Variants in COX7A2L observed in about 807,000 individuals in gnomAD.
The protein encoded by COX7A2L is cytochrome c oxidase subunit 7A2-like, mitochondrial.
A neutral mutation model predicts 14.2 loss-of-function variants in COX7A2L; 18 were observed. That is an observed-to-expected ratio of 1.27 (90% CI 0.88 to 1.88). The LOEUF is 1.88. Among genes scored for constraint, COX7A2L ranks in the 40% most tolerant of loss-of-function variants. The pLI, the probability that COX7A2L is intolerant of heterozygous loss-of-function variation, is 0.00. For synonymous variants in COX7A2L, 65 were observed against 57.4 expected (o/e 1.13, Z -0.60); for missense variants, 179 against 138.8 (o/e 1.29, Z -1.46).
intron 2 of COX7A2L, 106 bp from the exon 3 acceptor site, chr2:42,351,465 C>T (rs952982354): frequency 1.6e-6 from 2 of 1,288,192 alleles, no homozygotes; most frequent in Non-Finnish European, 2.1e-6. Flanking sequence ...TTCATCAACA[C>T]ATGACAGTGG....
rs537615216 is a variant in COX7A2L at position 42,351,203 on chromosome 2, T to C, written c.*16A>G. On this transcript the variant is annotated 3_prime_UTR_variant, in exon 3 of 3. Transcript: ENST00000234301. ...GGGTTTATGCCAAAAAACAAACCAG[T>C]CCTCTGCAGCCTAACTCATTTGTTT... is the stretch of plus-strand genomic sequence containing the variant. 23 of 1,609,726 alleles carry C rather than the reference T, an allele frequency of 1.4e-5. No individual in the cohort carries two copies. The South Asian group carries it at 2.6e-4, about 18-fold the overall frequency.
chr2:42,347,307 CTTTT>C (rs10718452), downstream of COX7A2L, among the ~76,000 whole-genome samples: 6 of 135,052 alleles, frequency 4.4e-5, no homozygotes, highest in Non-Finnish European at 4.7e-5. Flanking sequence ...AAACCAGCAC[CTTTT>C]TTTTTTTTTT....
chr2:42,361,853 G>A (rs1305261282), upstream of COX7A2L: 2 of 152,244 alleles, frequency 1.3e-5, no homozygotes, highest in Non-Finnish European at 2.9e-5. Context: ...GGCAACCTGG[G>A]AGTTGAAGCA....
chr2:42,358,976 T>TA (rs1386087998), intron 1 of COX7A2L: 1 of 151,990 alleles, frequency 6.6e-6, no homozygotes, highest in Non-Finnish European at 1.5e-5. Flanking sequence ...AAAAATATTT[T>TA]AAAAAAATAA....
chr2:42,368,444 G>A (rs1236482474), intron 1 of COX7A2L, among the ~76,000 whole-genome samples: 1 of 152,186 alleles, frequency 6.6e-6, no homozygotes, highest in Non-Finnish European at 1.5e-5. Context: ...TATCAACAGT[G>A]TGTTTGTTTA....
upstream of COX7A2L, among the ~76,000 whole-genome samples, chr2:42,362,056 G>C (rs190273001): frequency 6.6e-6 from 1 of 152,286 alleles, no homozygotes; most frequent in African/African-American, 2.4e-5. Context: ...TCTCACCTGA[G>C]TTTTAAGGTC....
rs1270831154 is a variant in COX7A2L at position 42,338,219 on chromosome 2, C to A, written c.193-4350G>T. Among the ~76,000 whole-genome samples, 1 of 152,236 alleles carries A rather than the reference C, an allele frequency of 6.6e-6. No homozygotes were observed. Among genetic ancestry groups the A allele is most frequent in the Non-Finnish European group, 1.5e-5 (1 of 68,040 alleles). On this transcript the variant is annotated intron_variant, in intron 2 of 2. Transcript: ENST00000468711. This position sits in a 1 kb window ranked among gnomAD's most constrained non-coding sequence, Gnocchi z 4.4. ...TCCCCCAGCCGCAGCGGCCAGGGAG[C>A]CGCTCCTCGTCTTGCTTCCGGTTGA...
At chr2:42,345,027 G>A (rs552904081), downstream of COX7A2L, among the ~76,000 whole-genome samples, 50 of 152,234 alleles carry the variant, frequency 3.3e-4, no homozygotes, top group East Asian at 2.7e-3. Flanking sequence ...ATGAAGTTTC[G>A]TGATAGCAAA....
chr2:42,347,538 T>C (rs1374576855), downstream of COX7A2L, among the ~76,000 whole-genome samples: 2 of 152,006 alleles, frequency 1.3e-5, no homozygotes, highest in African/African-American at 4.8e-5. Flanking sequence ...TAAAATCCAA[T>C]ATAGAAAAAT....
chr2:42,342,949 G>A lies in COX7A2L; in HGVS notation c.193-9080C>T, dbSNP rs1558627180. On this transcript the variant is annotated intron_variant, in intron 2 of 2. Transcript: ENST00000468711. This position sits in a 1 kb window ranked among gnomAD's most constrained non-coding sequence, Gnocchi z 4.9. ...GGCACCGTGGAGCCACAGAGGTCAG[G>A]AGGCCTGATTCCAGCTTATGCAAGT... Among the ~76,000 whole-genome samples, 1 of 152,108 alleles carries A rather than the reference G, an allele frequency of 6.6e-6. No homozygotes were observed. The highest frequency in any genetic ancestry group is 2.4e-5 in the African/African-American group (1 of 41,412).
chr2:42,350,982 A>T lies in COX7A2L; in HGVS notation c.*237T>A, dbSNP rs1670622204. 2.6e-6 allele frequency: 1 copy of T among 378,336 alleles called. No homozygotes were observed. Among genetic ancestry groups the T allele is most frequent in the African/African-American group, 2.1e-5 (1 of 48,190 alleles). 23.4% of individuals were successfully genotyped at this position (378,336 alleles called of 1,614,324 possible). ...TTCATCCAGAACCTCCAGGGAAATCAGGAGCACAAACACAGAGCAAAGCAC... is the reference window on the plus strand; with the variant it reads ...TTCATCCAGAACCTCCAGGGAAATCTGGAGCACAAACACAGAGCAAAGCAC... On this transcript the variant is annotated 3_prime_UTR_variant, in exon 3 of 3. Transcript: ENST00000234301.
chr2:42,343,779 A>T (rs1218391225), intron 2 of COX7A2L, among the ~76,000 whole-genome samples: 1 of 152,232 alleles, frequency 6.6e-6, no homozygotes, highest in African/African-American at 2.4e-5. Flanking sequence ...CGTGGGGATG[A>T]ACAGACCTCA....
chr2:42,362,740 C>A (rs1029877988), upstream of COX7A2L, among the ~76,000 whole-genome samples: 62 of 152,180 alleles, frequency 4.1e-4, no homozygotes, highest in Middle Eastern at 6.8e-3. Context: ...TCAGCGAATT[C>A]ATGTAAGCCA....
intron 2 of COX7A2L, among the ~76,000 whole-genome samples, chr2:42,337,718 A>T (rs1670312388): frequency 6.6e-6 from 1 of 152,334 alleles, no homozygotes; most frequent in South Asian, 2.1e-4. Flanking sequence ...TTATTTTTGC[A>T]ACTTCCTCAG....
Position 42,339,096 on chromosome 2 carries a change from G to A in COX7A2L, c.193-5227C>T, listed in dbSNP as rs975730632. ...AGATGGCTCCGTTAATAAAGCTGCC[G>A]TTCACCATGCCAAAGCTGAAGTGGT... On this transcript the variant is annotated intron_variant, in intron 2 of 2. Transcript: ENST00000468711. The surrounding 1 kb of genome is among the most constrained non-coding windows in gnomAD (Gnocchi z 5.4). Among the ~76,000 whole-genome samples, 17 of 152,198 alleles carry A rather than the reference G, an allele frequency of 1.1e-4. No individual in the cohort carries two copies. The highest frequency in any genetic ancestry group is 3.9e-4 in the African/African-American group (16 of 41,446).
At chr2:42,368,840 C>T (rs1671216850) in intron 1 of COX7A2L, 1 of 152,190 alleles carries the variant, frequency 6.6e-6, no homozygotes, top group South Asian at 2.1e-4. Context: ...ATAGCAAGCA[C>T]CCAGTAAATG....
rs1670426823 is a variant in COX7A2L, at chr2:42,342,832, A to G, written c.193-8963T>C. Among the ~76,000 whole-genome samples, 2 of 152,266 alleles carry G rather than the reference A, an allele frequency of 1.3e-5. No homozygotes were observed. The highest frequency in any genetic ancestry group is 1.3e-4 in the Admixed American group (2 of 15,294). On this transcript the variant is annotated intron_variant, in intron 2 of 2. Transcript: ENST00000468711. This position sits in a 1 kb window ranked among gnomAD's most constrained non-coding sequence, Gnocchi z 4.9. Reference sequence around the variant, plus strand: ...GTTTTGCAGCAGACTTCCCCTGGGAAGTCAGCTCCAGCAGTCTTGGGACCC... The same window carrying G: ...GTTTTGCAGCAGACTTCCCCTGGGAGGTCAGCTCCAGCAGTCTTGGGACCC...
chr2:42,364,964 C>G (rs1313029928), upstream of COX7A2L, among the ~76,000 whole-genome samples: 3 of 152,196 alleles, frequency 2.0e-5, no homozygotes, highest in East Asian at 5.8e-4. Context: ...AAGTCAAAAG[C>G]ACATCCACAG....
upstream of COX7A2L, among the ~76,000 whole-genome samples, chr2:42,363,771 T>C (rs903678314): frequency 6.6e-6 from 1 of 152,354 alleles, no homozygotes; most frequent in Admixed American, 6.5e-5. Flanking sequence ...CCCTTCAGGT[T>C]GTTCCCCACA....
Sources: gnomAD v4.1 joint callset for allele counts (sites outside exome capture counted in the v4.1 genomes callset) on GRCh38, gnomAD v4.1.1 for gene constraint, Gnocchi (gnomAD v3.1) non-coding constraint, MANE v1.5 for transcripts, NCBI Gene and HGNC (gene_info 2026-07-23, HGNC 2026-07-21) for gene names.